RIN3: variants seen among roughly 807,000 people sequenced by gnomAD.
The protein encoded by RIN3 is RAB5 interacting protein 3.
A neutral mutation model predicts 76.3 loss-of-function variants in RIN3; 54 were observed. The ratio of observed to expected loss-of-function variants is 0.71; its 90% confidence interval spans 0.57 to 0.89. RIN3 has a LOEUF of 0.89. Ranked by LOEUF, RIN3 falls within the 40% of genes least tolerant of loss-of-function variation. The pLI, the probability that RIN3 is intolerant of heterozygous loss-of-function variation, is 0.00. For missense variants in RIN3, 1,256 were observed against 1,322.1 expected (o/e 0.95, Z 0.78); for synonymous variants, 576 against 564.0 (o/e 1.02, Z -0.30).
At chr14:92,687,276 G>C (rs1025314637) in intron 9 of RIN3, 1 of 152,412 alleles carries the variant, frequency 6.6e-6, no homozygotes, top group Non-Finnish European at 1.5e-5. Context: ...GGTCCCTAGG[G>C]GTGGAGGACG....
chr14:92,651,691 C>A lies in RIN3; in HGVS notation c.642C>A (p.Ala214=), dbSNP rs1887430024. Residue 214 remains alanine, a synonymous_variant, in exon 6 of 10, where the codon GCC becomes GCA. Transcript: ENST00000216487. ...FPLVSSLRPT[A]HDANCACEIE... ...TAGTCTCCAGCCTCAGGCCCACAGC[C>A]CATGACGCAAACTGTGCCTGTGAAA... is the stretch of plus-strand genomic sequence containing the variant. The A allele has an allele frequency of 6.2e-7, 1 of 1,614,002 alleles. No individual in the cohort carries two copies. The highest frequency in any genetic ancestry group is 1.3e-5 in the African/African-American group (1 of 74,908).
At chr14:92,585,745 A>G (rs899722023) in intron 3 of RIN3, among the ~76,000 whole-genome samples, 5 of 152,012 alleles carry the variant, frequency 3.3e-5, no homozygotes, top group African/African-American at 1.2e-4. Context: ...ATCCTCCCCA[A>G]GTTGCTGGGA....
At chr14:92,572,151 G>C (rs1898076002) in intron 2 of RIN3, among the ~76,000 whole-genome samples, 1 of 152,214 alleles carries the variant, frequency 6.6e-6, no homozygotes, top group South Asian at 2.1e-4. Context: ...TGCTTCCAGG[G>C]TCTTGTGTCC....
intron 1 of RIN3, among the ~76,000 whole-genome samples, chr14:92,542,411 A>G (rs1330498538): frequency 1.3e-5 from 2 of 152,236 alleles, no homozygotes; most frequent in African/African-American, 2.4e-5. Flanking sequence ...AAAGACAGAC[A>G]ATATAACAAG....
chr14:92,569,231 A>C (rs987832954), intron 2 of RIN3, among the ~76,000 whole-genome samples: 3 of 152,096 alleles, frequency 2.0e-5, no homozygotes, highest in African/African-American at 7.2e-5. Context: ...ACAGACTCCC[A>C]GGTCTAGGTG....
chr14:92,664,364 CTTTTTTTTTTTT>C (rs373597134), intron 7 of RIN3, among the ~76,000 whole-genome samples: 1 of 84,446 alleles, frequency 1.2e-5, no homozygotes, highest in Non-Finnish European at 2.3e-5. Flanking sequence ...TTCTTTCTTT[CTTTTTTTTTTTT>C]TTTTTTTTTG....
chr14:92,524,896 A>G (rs1896688641), intron 1 of RIN3, among the ~76,000 whole-genome samples: 1 of 152,170 alleles, frequency 6.6e-6, no homozygotes, highest in African/African-American at 2.4e-5. Context: ...ATCTGCCTTC[A>G]CTAGCTGCCT....
chr14:92,687,095 C>T (rs1305923736), intron 9 of RIN3: 1 of 152,320 alleles, frequency 6.6e-6, no homozygotes, highest in African/African-American at 2.4e-5. Flanking sequence ...AGCCTCTCTG[C>T]CTGCAGCCCT....
chr14:92,597,197 A>G (rs1328195617), intron 3 of RIN3, among the ~76,000 whole-genome samples: 1 of 152,206 alleles, frequency 6.6e-6, no homozygotes, highest in East Asian at 1.9e-4. Context: ...TCTTACATGA[A>G]AAGCTGTGTC....
At chr14:92,526,469 AATG>A (rs1896733668) in intron 1 of RIN3, among the ~76,000 whole-genome samples, 1 of 149,432 alleles carries the variant, frequency 6.7e-6, no homozygotes, top group African/African-American at 2.5e-5. Flanking sequence ...AAAAAAAATA[AATG>A]GGCCGGGCGC....
At position 92,623,067 on chromosome 14, in the gene RIN3, C is replaced by G. The variant is rs548508623; in HGVS notation, c.440+7588C>G. 6.6e-6 allele frequency among the ~76,000 whole-genome samples: 1 copy of G among 152,334 alleles called. No individual in the cohort carries two copies. Among genetic ancestry groups the G allele is most frequent in the Non-Finnish European group, 1.5e-5 (1 of 68,036 alleles). On this transcript the variant is annotated intron_variant, in intron 4 of 9. Coordinates refer to ENST00000216487, the MANE Select transcript of RIN3 (RefSeq NM_024832.5). This position sits in a 1 kb window ranked among gnomAD's most constrained non-coding sequence, Gnocchi z 4.9. ...ATGCAGCATCCAACAAGAATAAGCA[C>G]AGCTATTGCGATTGCGAGAGAGGTA...
chr14:92,564,814 G>A (rs1186880392), intron 2 of RIN3, among the ~76,000 whole-genome samples: 1 of 152,190 alleles, frequency 6.6e-6, no homozygotes, highest in African/African-American at 2.4e-5. Context: ...TGGAGGAAAC[G>A]CGCACACACA....
intron 1 of RIN3, among the ~76,000 whole-genome samples, chr14:92,530,846 A>G (rs945036034): frequency 1.3e-5 from 2 of 151,852 alleles, no homozygotes; most frequent in Admixed American, 6.6e-5. Context: ...TGACCTCCCT[A>G]TCTTCTCCCC....
chr14:92,540,034 A>T lies in RIN3; in HGVS notation c.45-15717A>T, dbSNP rs1376256833. Among the ~76,000 whole-genome samples, 8 of 152,184 alleles carry T rather than the reference A, an allele frequency of 5.3e-5. No homozygotes were observed. In the East Asian group the frequency reaches 1.2e-3, roughly 22 times the overall value. ...TGGAGCCCAGTAGGGACAGCGGGGC[A>T]CCTAGCTGGAGTCAGGAAGGCAAGA... On this transcript the variant is annotated intron_variant, in intron 1 of 9. Coordinates refer to ENST00000216487, the MANE Select transcript of RIN3 (RefSeq NM_024832.5).
chr14:92,626,245 C>A (rs1461528740), intron 4 of RIN3, among the ~76,000 whole-genome samples: 1 of 152,186 alleles, frequency 6.6e-6, no homozygotes, highest in East Asian at 1.9e-4. Context: ...GCTGCAGGAA[C>A]ATTTTGGCCA....
rs962852686 is a variant in RIN3 at position 92,678,368 on chromosome 14, A to C, written c.2467+1762A>C. Among the ~76,000 whole-genome samples, 17 of 148,368 alleles carry C rather than the reference A, an allele frequency of 1.1e-4. 1 individual carries two copies. Among genetic ancestry groups the C allele is most frequent in the African/African-American group, 4.3e-4 (17 of 39,808 alleles). On this transcript the variant is annotated intron_variant, in intron 8 of 9. Coordinates refer to ENST00000216487, the MANE Select transcript of RIN3 (RefSeq NM_024832.5). The stretch of plus-strand genomic sequence containing the variant: ...CACATATCCATCTACCCATCCCCCT[A>C]CCCATCCACTTATTCACTCACCCAC...
chr14:92,665,530 C>G (rs992768205), intron 7 of RIN3, among the ~76,000 whole-genome samples: 1 of 151,954 alleles, frequency 6.6e-6, no homozygotes, highest in Non-Finnish European at 1.5e-5. Context: ...AGGTGCCCAC[C>G]ACCATGCCCG....
chr14:92,597,121 C>T (rs763035498), intron 3 of RIN3, among the ~76,000 whole-genome samples: 2 of 151,876 alleles, frequency 1.3e-5, no homozygotes, highest in Non-Finnish European at 2.9e-5. Flanking sequence ...GAGCATTTTG[C>T]GAAAAGCATG....
At chr14:92,602,736 A>C (rs1566862869) in intron 3 of RIN3, among the ~76,000 whole-genome samples, 1 of 152,168 alleles carries the variant, frequency 6.6e-6, no homozygotes, top group Non-Finnish European at 1.5e-5. Flanking sequence ...GGAGGCAAAC[A>C]ATGACAGTTG....
Sources: allele counts gnomAD v4.1 joint callset (sites outside exome capture counted in the v4.1 genomes callset), GRCh38; gene constraint gnomAD v4.1.1; non-coding constraint Gnocchi (gnomAD v3.1); transcripts MANE v1.5; gene names NCBI Gene and HGNC (gene_info 2026-07-23, HGNC 2026-07-21).